LIMCH1: variants seen among roughly 807,000 people sequenced by gnomAD.
LIMCH1 encodes the protein LIM and calponin homology domains 1, also known as LIM and calponin homology domains-containing protein 1.
LIMCH1 carries 113 observed loss-of-function variants against 176.5 expected under a neutral mutation model. The ratio of observed to expected loss-of-function variants is 0.64; its 90% CI spans 0.55 to 0.75. The LOEUF (loss-of-function observed/expected upper bound fraction) is 0.75, where lower values mean the gene tolerates loss of function less well. Ranked by LOEUF, LIMCH1 falls within the 30% of genes least tolerant of loss-of-function variation. The pLI, the probability that LIMCH1 is intolerant of heterozygous loss-of-function variation, is 0.00. For synonymous variants in LIMCH1, 619 were observed against 645.9 expected (o/e 0.96, Z 0.63); for missense variants, 1,674 against 1,814.9 (o/e 0.92, Z 1.41).
chr4:41,467,510 C>T (rs950903939), intron 1 of LIMCH1, among the ~76,000 whole-genome samples: 50 of 152,288 alleles, frequency 3.3e-4, no homozygotes, highest in Non-Finnish European at 1.2e-4. Context: ...TGCAGGGGAA[C>T]TCCCCTTTAT....
chr4:41,660,042 T>C (rs1227362539), intron 18 of LIMCH1, among the ~76,000 whole-genome samples: 1 of 152,120 alleles, frequency 6.6e-6, no homozygotes, highest in Non-Finnish European at 1.5e-5. Context: ...TTAAAAATAA[T>C]CACAATTAAC....
intron 4 of LIMCH1, among the ~76,000 whole-genome samples, chr4:41,607,195 A>G (rs947140441): frequency 6.6e-6 from 1 of 152,208 alleles, no homozygotes; most frequent in African/African-American, 2.4e-5. Context: ...TGAACTAGAA[A>G]CATTCAGTTC....
intron 1 of LIMCH1, among the ~76,000 whole-genome samples, chr4:41,477,619 G>A (rs1001562014): frequency 2.0e-4 from 30 of 152,182 alleles, no homozygotes; most frequent in Admixed American, 2.0e-3. Flanking sequence ...GAAAGCCCTT[G>A]GTTATTAGCA....
chr4:41,595,297 C>T (rs2088537482), intron 1 of LIMCH1, among the ~76,000 whole-genome samples: 1 of 152,090 alleles, frequency 6.6e-6, no homozygotes, highest in Admixed American at 6.6e-5. Flanking sequence ...AGAAAGAGAA[C>T]TAAAATGGAA....
At chr4:41,465,325 G>A (rs1407129492) in intron 1 of LIMCH1, among the ~76,000 whole-genome samples, 1 of 152,090 alleles carries the variant, frequency 6.6e-6, no homozygotes, top group African/African-American at 2.4e-5. Flanking sequence ...TGCTTGATGA[G>A]TCTCTGAACT....
At chr4:41,380,706 G>GT (rs957336079) in intron 1 of LIMCH1, among the ~76,000 whole-genome samples, 19 of 152,186 alleles carry the variant, frequency 1.2e-4, no homozygotes, top group Non-Finnish European at 2.5e-4. Flanking sequence ...AAATAAGTGA[G>GT]TAAGTTGCAC....
At chr4:41,469,306 A>G (rs1409992587) in intron 1 of LIMCH1, among the ~76,000 whole-genome samples, 1 of 152,188 alleles carries the variant, frequency 6.6e-6, no homozygotes, top group Admixed American at 6.5e-5. Flanking sequence ...TCTAGCATAT[A>G]CAAGTATGGT....
At chr4:41,625,621 C>T (rs2092898448) in intron 7 of LIMCH1, among the ~76,000 whole-genome samples, 1 of 151,976 alleles carries the variant, frequency 6.6e-6, no homozygotes, top group Non-Finnish European at 1.5e-5. Context: ...TTTCTTCACG[C>T]TCTTTTTTAT....
rs577325325 is a variant in LIMCH1 at position 41,569,245 on chromosome 4, T to C, written c.-240-29675T>C. Among the ~76,000 whole-genome samples the C allele has an allele frequency of 4.3e-4, 65 of 152,344 alleles. 1 individual carries two copies. Among genetic ancestry groups the C allele is most frequent in the Middle Eastern group, 3.4e-3 (1 of 294 alleles). On this transcript the variant is annotated intron_variant, in intron 1 of 31. Transcript: ENST00000503057. ...AAGAGCTCAATTGAAGACTTCGGTC[T>C]GTGGCAAGGGTGCCTGCTGCCCTTT...
Position 41,367,772 on chromosome 4 carries a change from CAGG to C in LIMCH1, c.96+6839_96+6841del, listed in dbSNP as rs545600596. 1.2e-3 allele frequency among the ~76,000 whole-genome samples: 168 copies of C among 141,682 alleles called. 1 individual carries two copies. Among genetic ancestry groups the C allele is most frequent in the African/African-American group, 4.3e-3 (162 of 38,042 alleles). 92.9% of individuals were successfully genotyped at this position (141,682 alleles called of 152,430 possible). On this transcript the variant is annotated intron_variant, in intron 1 of 26. Coordinates refer to the LIMCH1 transcript ENST00000313860. ...GTCCCAGCTACTCGGAACGCTGAAA[CAGG>C]AGAATGGTGTGAACCTGGGAGGCGG...
intron 26 of LIMCH1, among the ~76,000 whole-genome samples, chr4:41,682,675 CTTCT>C (rs1560368088): frequency 7.0e-6 from 1 of 142,406 alleles, no homozygotes; most frequent in Non-Finnish European, 1.5e-5. Context: ...TTTTCTTCTT[CTTCT>C]TTTTTTTTTT....
chr4:41,448,852 AG>A (rs1167698347), intron 1 of LIMCH1, among the ~76,000 whole-genome samples: 1 of 152,142 alleles, frequency 6.6e-6, no homozygotes, highest in African/African-American at 2.4e-5. Context: ...TTAAATATTC[AG>A]TAAAAAAGCT....
intron 4 of LIMCH1, among the ~76,000 whole-genome samples, chr4:41,609,868 T>C (rs993886267): frequency 6.6e-6 from 1 of 152,254 alleles, no homozygotes; most frequent in Non-Finnish European, 1.5e-5. Flanking sequence ...GAAGCTTCAC[T>C]TTAAGTGACC....
At chr4:41,457,680 G>C (rs1007319931) in intron 1 of LIMCH1, among the ~76,000 whole-genome samples, 1 of 152,164 alleles carries the variant, frequency 6.6e-6, no homozygotes, top group Non-Finnish European at 1.5e-5. Flanking sequence ...CATCCCTAAC[G>C]AAGGTGAAGG....
chr4:41,452,528 G>A (rs1484610328), intron 1 of LIMCH1, among the ~76,000 whole-genome samples: 1 of 152,152 alleles, frequency 6.6e-6, no homozygotes, highest in Non-Finnish European at 1.5e-5. Flanking sequence ...GGGCTTTGTT[G>A]TATTTTTTGA....
At chr4:41,376,089 A>G (rs1443582664) in intron 1 of LIMCH1, among the ~76,000 whole-genome samples, 1 of 152,200 alleles carries the variant, frequency 6.6e-6, no homozygotes, top group Non-Finnish European at 1.5e-5. Flanking sequence ...TCTCCAATAA[A>G]GTTTTCCCCA....
chr4:41,388,453 CAG>C (rs2056779279), intron 1 of LIMCH1, among the ~76,000 whole-genome samples: 1 of 152,202 alleles, frequency 6.6e-6, no homozygotes, highest in Admixed American at 6.5e-5. Flanking sequence ...AGACAGAAAA[CAG>C]AGTTGCCTGG....
At chr4:41,617,105 A>G (rs116776865) in intron 5 of LIMCH1, among the ~76,000 whole-genome samples, 1 of 152,070 alleles carries the variant, frequency 6.6e-6, no homozygotes, top group South Asian at 2.1e-4. Flanking sequence ...GTGTGTGTAT[A>G]GATACTATAC....
At position 41,633,742 on chromosome 4, in the gene LIMCH1, C is replaced by G; in HGVS notation, c.2024C>G (p.Pro675Arg). The change falls in exon 13 of 32, where the codon CCA becomes CGA. Residue 675 changes from proline to arginine, a missense_variant. Pro to Arg is a moderately radical substitution (Grantham distance 103, BLOSUM62 -2). Coordinates refer to ENST00000503057, the MANE Select transcript of LIMCH1 (RefSeq NM_001330672.2). Reference protein sequence around the residue: ...HTGSNPNQFLPVPFAKQQDVE... With the variant: ...HTGSNPNQFLRVPFAKQQDVE... ...GGATCCAACCCAAACCAGTTCCTTCCAGTTCCATTTGCAAAGCAACAGGAT... is the reference window on the plus strand; with the variant it reads ...GGATCCAACCCAAACCAGTTCCTTCGAGTTCCATTTGCAAAGCAACAGGAT... 25 of 1,536,182 alleles carry G rather than the reference C, an allele frequency of 1.6e-5. No individual in the cohort carries two copies. Among genetic ancestry groups the G allele is most frequent in the Non-Finnish European group, 2.2e-5 (25 of 1,146,908 alleles).
Sources: allele counts gnomAD v4.1 joint callset (sites outside exome capture counted in the v4.1 genomes callset), GRCh38; gene constraint gnomAD v4.1.1; transcripts MANE v1.5; gene names NCBI Gene and HGNC (gene_info 2026-07-23, HGNC 2026-07-21).